Variants in HLF observed in about 807,000 individuals in gnomAD.
The protein encoded by HLF is HLF transcription factor, PAR bZIP family member.
A neutral mutation model predicts 22.6 loss-of-function variants in HLF; 3 were observed. That is an observed-to-expected ratio of 0.13 (90% CI 0.06 to 0.34). HLF has a LOEUF of 0.34. Ranked by LOEUF, HLF falls within the 10% of genes least tolerant of loss-of-function variation. The pLI is 1.00. For synonymous variants in HLF, 151 were observed against 151.8 expected (o/e 0.99, Z 0.04); for missense variants, 299 against 389.2 (o/e 0.77, Z 1.95).
intron 2 of HLF, among the ~76,000 whole-genome samples, chr17:55,314,542 C>T (rs1208126936): frequency 6.6e-6 from 1 of 152,184 alleles, no homozygotes; most frequent in East Asian, 1.9e-4. Flanking sequence ...ATCCCCACTG[C>T]CCACCTTCTT....
chr17:55,276,081 C>T (rs1201833269), intron 2 of HLF, among the ~76,000 whole-genome samples: 6 of 152,164 alleles, frequency 3.9e-5, no homozygotes, highest in Non-Finnish European at 2.9e-5. Flanking sequence ...ACACTCCAGC[C>T]TGGGTAACAG....
intron 2 of HLF, among the ~76,000 whole-genome samples, chr17:55,281,936 A>G (rs2080958970): frequency 1.3e-5 from 2 of 152,230 alleles, no homozygotes; most frequent in Admixed American, 6.5e-5. Context: ...ACACAGTCCT[A>G]ATAGCATCGG....
At chr17:55,274,570 A>G (rs2080888545) in intron 2 of HLF, among the ~76,000 whole-genome samples, 1 of 152,240 alleles carries the variant, frequency 6.6e-6, no homozygotes, top group Admixed American at 6.5e-5. Context: ...TATACGGGCA[A>G]TATAGCAGTA....
intron 2 of HLF, among the ~76,000 whole-genome samples, chr17:55,307,357 C>A (rs1320434560): frequency 6.6e-6 from 1 of 150,934 alleles, no homozygotes; most frequent in Non-Finnish European, 1.5e-5. Flanking sequence ...TTAATAGAGA[C>A]AGGGATTCAC....
At chr17:55,276,376 A>G (rs576668417) in intron 2 of HLF, among the ~76,000 whole-genome samples, 2 of 152,334 alleles carry the variant, frequency 1.3e-5, no homozygotes, top group South Asian at 4.1e-4. Flanking sequence ...AGAGGCCTCC[A>G]ATATCTGCTG....
At chr17:55,282,541 C>T (rs1310968887) in intron 2 of HLF, among the ~76,000 whole-genome samples, 2 of 152,152 alleles carry the variant, frequency 1.3e-5, no homozygotes, top group Non-Finnish European at 2.9e-5. Context: ...CACGTAGCAA[C>T]AATTTCAAAG....
Position 55,323,500 on chromosome 17 carries a change from C to T in HLF, c.*2621C>T, listed in dbSNP as rs1905336114. The T allele has an allele frequency of 4.6e-6, 1 of 216,744 alleles. No homozygotes were observed. Among genetic ancestry groups the T allele is most frequent in the Non-Finnish European group, 9.3e-6 (1 of 107,500 alleles). The allele number at this position is 216,744 out of a possible 1,614,324, so 13.4% of individuals were successfully genotyped here. ...ATCAAATGAGCATCTCAAATGTTTT[C>T]TGCAGAAAAAAATAAAAAGATTCTA... On this transcript the variant is annotated 3_prime_UTR_variant, in exon 4 of 4. Transcript: ENST00000226067.
At chr17:55,303,749 C>T (rs975110038) in intron 2 of HLF, among the ~76,000 whole-genome samples, 3 of 152,126 alleles carry the variant, frequency 2.0e-5, no homozygotes, top group Admixed American at 2.0e-4. Flanking sequence ...TTATCTCTCT[C>T]TGCATCCTCA....
chr17:55,266,135 A>C (rs981457400), intron 1 of HLF: 1 of 109,438 alleles, frequency 9.1e-6, no homozygotes, highest in Non-Finnish European at 1.7e-5. Flanking sequence ...CTTCTGGTGA[A>C]GGGTAGCTGA....
At chr17:55,303,503 G>T (rs1055072431) in intron 2 of HLF, among the ~76,000 whole-genome samples, 1 of 152,178 alleles carries the variant, frequency 6.6e-6, no homozygotes, top group Non-Finnish European at 1.5e-5. Flanking sequence ...AGGTGATAGG[G>T]CTCATTGTCC....
Position 55,265,408 on chromosome 17 carries a change from A to T in HLF, c.-77A>T. ...TACTTTTGGCAAAGGACGGAGGAAA[A>T]GCTCAGCAACATTTTAGGGGGCGGT... On this transcript the variant is annotated 5_prime_UTR_variant, in exon 1 of 4. The change creates a new upstream start codon in the 5' untranslated region. Coordinates refer to ENST00000226067, the MANE Select transcript of HLF (RefSeq NM_002126.5). The T allele has an allele frequency of 1.2e-6, 1 of 857,860 alleles. No individual in the cohort carries two copies. The highest frequency in any genetic ancestry group is 1.9e-6 in the Non-Finnish European group (1 of 524,052). 53.1% of individuals were successfully genotyped at this position (857,860 alleles called of 1,614,324 possible).
intron 2 of HLF, among the ~76,000 whole-genome samples, chr17:55,308,717 C>T (rs779038587): frequency 1.3e-5 from 2 of 152,206 alleles, no homozygotes; most frequent in Non-Finnish European, 2.9e-5. Context: ...ACACTCTCCC[C>T]CTATGCAATA....
In HLF at chr17:55,265,579, TC is replaced by T; in HGVS notation, c.100del (p.Leu34PhefsTer172). ...LRSLLENPLKLPLHHEDAFSK... is the reference protein window; with the variant it reads ...LRSLLENPLKXPLHHEDAFSK... ...TCCCTGCTGGAGAACCCGCTGAAGCTCCCCCTTCACCACGAAGACGGTGAGC... is the reference window on the plus strand; with the variant it reads ...TCCCTGCTGGAGAACCCGCTGAAGCTCCCCTTCACCACGAAGACGGTGAGC... On this transcript the variant is annotated frameshift_variant, in exon 1 of 4. Coordinates refer to ENST00000226067, the MANE Select transcript of HLF (RefSeq NM_002126.5). LOFTEE classifies it high-confidence loss of function. The T allele has an allele frequency of 6.3e-7, 1 of 1,599,002 alleles. No individual in the cohort carries two copies. The highest frequency in any genetic ancestry group is 1.7e-5 in the Admixed American group (1 of 59,128).
intron 2 of HLF, among the ~76,000 whole-genome samples, chr17:55,276,165 G>A (rs2080902722): frequency 6.6e-6 from 1 of 152,202 alleles, no homozygotes; most frequent in Non-Finnish European, 1.5e-5. Context: ...GAAGAGCAAG[G>A]TGTATGGTCC....
At chr17:55,313,480 C>T (rs964171054) in intron 2 of HLF, among the ~76,000 whole-genome samples, 3 of 151,544 alleles carry the variant, frequency 2.0e-5, no homozygotes, top group South Asian at 4.2e-4. Flanking sequence ...TGGAGCAATT[C>T]GATTTGGGAA....
chr17:55,282,483 A>G (rs11657902), intron 2 of HLF, among the ~76,000 whole-genome samples: 84,028 of 152,176 alleles, frequency 0.55, 25,573 homozygotes, highest in Admixed American at 0.68. Context: ...GTTTACATCA[A>G]TGTCCATTAT....
intron 2 of HLF, among the ~76,000 whole-genome samples, chr17:55,270,454 C>G (rs2080841414): frequency 6.6e-6 from 1 of 152,124 alleles, no homozygotes; most frequent in Non-Finnish European, 1.5e-5. Context: ...ATATTGCAAG[C>G]AAACCTGAAA....
At chr17:55,283,127 A>T (rs2080968865) in intron 2 of HLF, among the ~76,000 whole-genome samples, 2 of 148,916 alleles carry the variant, frequency 1.3e-5, no homozygotes, top group South Asian at 4.3e-4. Context: ...TAAAGAAAAG[A>T]AAAAAAAAAG....
At chr17:55,280,110 C>T (rs1230821689) in intron 2 of HLF, among the ~76,000 whole-genome samples, 2 of 152,224 alleles carry the variant, frequency 1.3e-5, no homozygotes, top group African/African-American at 4.8e-5. Context: ...TAAATGGCAG[C>T]TTTCAGCAGT....
Sources: allele counts gnomAD v4.1 joint callset (sites outside exome capture counted in the v4.1 genomes callset), GRCh38; gene constraint gnomAD v4.1.1; transcripts MANE v1.5; gene names NCBI Gene and HGNC (gene_info 2026-07-23, HGNC 2026-07-21).